ASIC4: variants seen among roughly 807,000 people sequenced by gnomAD.
The protein encoded by ASIC4 is acid sensing ion channel subunit family member 4.
In ASIC4, 28 loss-of-function variants were observed where a neutral mutation model predicts 53.4. That is an observed-to-expected ratio of 0.52 (90% CI 0.39 to 0.72). The LOEUF (loss-of-function observed/expected upper bound fraction) is 0.72, where lower values mean the gene tolerates loss of function less well. ASIC4 is among the 30% of genes least tolerant of loss of function. ASIC4 has a pLI of 0.00. For synonymous variants in ASIC4, 289 were observed against 301.4 expected (o/e 0.96, Z 0.43); for missense variants, 649 against 729.7 (o/e 0.89, Z 1.27).
At position 219,537,230 on chromosome 2, in the gene ASIC4, C is replaced by T. The variant is rs765900874; in HGVS notation, c.1322-12C>T. 1.3e-5 allele frequency: 21 copies of T among 1,612,998 alleles called. No homozygotes were observed. The highest frequency in any genetic ancestry group is 1.8e-5 in the Non-Finnish European group (21 of 1,179,394). ...CGGCCGCTCCCTCTGACACTGCTCT[C>T]CTGCTTCCCAGGAGACCTCGGGGGA... is the stretch of plus-strand genomic sequence containing the variant. On this transcript the variant is annotated splice_polypyrimidine_tract_variant and intron_variant, in intron 7 of 9. Transcript: ENST00000358078. This position sits in a 1 kb window ranked among gnomAD's most constrained non-coding sequence, Gnocchi z 4.9.
chr2:219,521,040 C>G (rs775165751), intron 1 of ASIC4, among the ~76,000 whole-genome samples: 1 of 152,208 alleles, frequency 6.6e-6, no homozygotes, highest in Non-Finnish European at 1.5e-5. Context: ...CCAGGTGCAC[C>G]CACCCTCCCC....
In ASIC4 at chr2:219,535,290, G is replaced by T; in HGVS notation, c.1195G>T (p.Ala399Ser). 6.2e-7 allele frequency: 1 copy of T among 1,613,476 alleles called. No individual in the cohort carries two copies. The highest frequency in any genetic ancestry group is 8.5e-7 in the Non-Finnish European group (1 of 1,179,852). Residue 399 changes from alanine to serine, a missense_variant, in exon 6 of 10, where the codon GCG (alanine) becomes TCG (serine). By Grantham distance (99) the Ala-to-Ser change is moderately conservative (BLOSUM62 1). Coordinates refer to ENST00000358078, the MANE Select transcript of ASIC4 (RefSeq NM_018674.6). The stretch of plus-strand genomic sequence containing the variant: ...CAACAGGGGCTCAGCCCGGTACCTG[G>T]CGAGGAAGTACAACCGCAACGAGAC... ...IPNRGSARYLARKYNRNETYI... is the reference protein window; with the variant it reads ...IPNRGSARYLSRKYNRNETYI...
In ASIC4 at chr2:219,537,706, C is replaced by T; in HGVS notation, c.1476C>T (p.Ser492=). The change falls in exon 9 of 10, where the codon TCC becomes TCT. Residue 492 remains serine, a synonymous_variant. Coordinates refer to ENST00000358078, the MANE Select transcript of ASIC4 (RefSeq NM_018674.6). The surrounding 1 kb of genome is among the most constrained non-coding windows in gnomAD (Gnocchi z 4.9). ...TGCGGACCTCCACTGGGGGCATCTCCACTTTGGGGCTTCAGGAGCTGAAGG... is the reference window on the plus strand; with the variant it reads ...TGCGGACCTCCACTGGGGGCATCTCTACTTTGGGGCTTCAGGAGCTGAAGG... ...TPLRTSTGGI[S]TLGLQELKEQ... 6.2e-7 allele frequency: 1 copy of T among 1,614,022 alleles called. No individual in the cohort carries two copies. The highest frequency in any genetic ancestry group is 8.5e-7 in the Non-Finnish European group (1 of 1,179,932).
rs757443251 is a variant in ASIC4 at position 219,537,614 on chromosome 2, C to G, written c.1402-18C>G. On this transcript the variant is annotated intron_variant, in intron 8 of 9. Coordinates refer to ENST00000358078, the MANE Select transcript of ASIC4 (RefSeq NM_018674.6). The surrounding 1 kb of genome is among the most constrained non-coding windows in gnomAD (Gnocchi z 4.9). The stretch of plus-strand genomic sequence containing the variant: ...AAATTTCCTGAGCCCACTGCTGTCC[C>G]CGACCCTGAACCCCAAGGTGTCCTG... 6.2e-7 allele frequency: 1 copy of G among 1,604,262 alleles called. No homozygotes were observed. Among genetic ancestry groups the G allele is most frequent in the Non-Finnish European group, 8.5e-7 (1 of 1,175,092 alleles).
At chr2:219,523,270 GGGGAAT>G (rs1374811617) in intron 1 of ASIC4, among the ~76,000 whole-genome samples, 1 of 152,236 alleles carries the variant, frequency 6.6e-6, no homozygotes, top group African/African-American at 2.4e-5. Flanking sequence ...GTCGCTGCCT[GGGGAAT>G]GGTTTTGACC....
chr2:219,509,844 A>G (rs1694677791), upstream of ASIC4, among the ~76,000 whole-genome samples: 1 of 152,014 alleles, frequency 6.6e-6, no homozygotes, highest in East Asian at 1.9e-4. The surrounding 1 kb of genome is among the most constrained non-coding windows in gnomAD (Gnocchi z 5.2). Flanking sequence ...CTTGTGCTCC[A>G]CTGGCCACCT....
rs551410957 is a variant in ASIC4, at chr2:219,517,514, G to A, written c.582+2208G>A. 2.0e-5 allele frequency among the ~76,000 whole-genome samples: 3 copies of A among 152,292 alleles called. No individual in the cohort carries two copies. Among genetic ancestry groups the A allele is most frequent in the South Asian group, 4.1e-4 (2 of 4,832 alleles). On this transcript the variant is annotated intron_variant, in intron 1 of 9. Transcript: ENST00000358078. The surrounding 1 kb of genome is among the most constrained non-coding windows in gnomAD (Gnocchi z 4.2). ...CTCTTCTGCACATACTGCATCCCCCGTCTGCTGAGTGTAACTCTGTCTTGG... is the reference window on the plus strand; with the variant it reads ...CTCTTCTGCACATACTGCATCCCCCATCTGCTGAGTGTAACTCTGTCTTGG...
Position 219,536,994 on chromosome 2 carries a change from G to T in ASIC4, c.1230-72G>T. 7.5e-7 allele frequency: 1 copy of T among 1,337,764 alleles called. No homozygotes were observed. The highest frequency in any genetic ancestry group is 2.3e-5 in the East Asian group (1 of 43,364). 82.9% of individuals were successfully genotyped at this position (1,337,764 alleles called of 1,614,324 possible). On this transcript the variant is annotated intron_variant, in intron 6 of 9. Transcript: ENST00000358078. This position sits in a 1 kb window ranked among gnomAD's most constrained non-coding sequence, Gnocchi z 4.6. ...AGTGATCTCTGATCAGGATCTGCTGGATCCAGGATGCCCCTGCCAGCCTTC... is the reference window on the plus strand; with the variant it reads ...AGTGATCTCTGATCAGGATCTGCTGTATCCAGGATGCCCCTGCCAGCCTTC...
At chr2:219,534,809 C>G (rs944335766) in intron 5 of ASIC4, among the ~76,000 whole-genome samples, 10 of 144,488 alleles carry the variant, frequency 6.9e-5, no homozygotes, top group Admixed American at 1.4e-4. Context: ...ATCCATCCAT[C>G]CATGCATGCA....
At chr2:219,511,397 C>CA (rs1234524008), upstream of ASIC4, among the ~76,000 whole-genome samples, 1 of 150,796 alleles carries the variant, frequency 6.6e-6, no homozygotes, top group Non-Finnish European at 1.5e-5. This position sits in a 1 kb window ranked among gnomAD's most constrained non-coding sequence, Gnocchi z 5.3. Flanking sequence ...GCACTGCCCC[C>CA]CCCCCACATT....
chr2:219,534,300 A>T (rs1431288011), intron 5 of ASIC4, among the ~76,000 whole-genome samples: 1 of 152,254 alleles, frequency 6.6e-6, no homozygotes, highest in Non-Finnish European at 1.5e-5. Context: ...TGTTTAGTGA[A>T]GGAACAGATA....
At chr2:219,507,960 G>T in the ASIC4 span, among the ~76,000 whole-genome samples, 1 of 152,090 alleles carries the variant, frequency 6.6e-6, no homozygotes, top group Non-Finnish European at 1.5e-5. Context: ...AGGTTGACTT[G>T]GGGATTGGGC....
At chr2:219,522,477 C>A (rs1381296647) in intron 1 of ASIC4, among the ~76,000 whole-genome samples, 1 of 150,140 alleles carries the variant, frequency 6.7e-6, no homozygotes, top group South Asian at 2.1e-4. Context: ...AGTGGGGGCT[C>A]ACGGGGGAAG....
In ASIC4 at chr2:219,536,429, C is replaced by T. The variant is rs1380053779; in HGVS notation, c.1230-637C>T. On this transcript the variant is annotated intron_variant, in intron 6 of 9. Transcript: ENST00000358078. This position sits in a 1 kb window ranked among gnomAD's most constrained non-coding sequence, Gnocchi z 4.6. ...TCTGTGGGGACAGATGATTATGACA[C>T]AAAACTCATGCCACAATTTGTCAAT... Among the ~76,000 whole-genome samples the T allele has an allele frequency of 6.6e-6, 1 of 152,144 alleles. No homozygotes were observed. Among genetic ancestry groups the T allele is most frequent in the Non-Finnish European group, 1.5e-5 (1 of 68,032 alleles).
At chr2:219,507,888 C>A in the ASIC4 span, among the ~76,000 whole-genome samples, 3 of 152,114 alleles carry the variant, frequency 2.0e-5, no homozygotes, top group African/African-American at 4.8e-5. Context: ...GGACAGAGCC[C>A]AGGGTTTCAT....
At position 219,515,006 on chromosome 2, in the gene ASIC4, C is replaced by A. The variant is rs769639891; in HGVS notation, c.282C>A (p.Thr94=). 1 of 1,613,396 alleles carries A rather than the reference C, an allele frequency of 6.2e-7. No homozygotes were observed. Among genetic ancestry groups the A allele is most frequent in the Admixed American group, 1.7e-5 (1 of 60,006 alleles). The part of the protein sequence containing the change: ...QAAGLARGYL[T]RPHLVAMDPA... ...CTGGCCTGGCCCGGGGCTACCTGAC[C>A]CGGCCTCACCTGGTGGCAATGGACC... The change falls in exon 1 of 10, where the codon ACC becomes ACA. Residue 94 remains threonine, a synonymous_variant. Transcript: ENST00000358078.
chr2:219,508,548 T>A, the ASIC4 span, among the ~76,000 whole-genome samples: 1 of 151,326 alleles, frequency 6.6e-6, no homozygotes, highest in Non-Finnish European at 1.5e-5. Flanking sequence ...GGAGTCACCA[T>A]TGTTGGGGGG....
In ASIC4 at chr2:219,516,077, G is replaced by A. The variant is rs13011105; in HGVS notation, c.582+771G>A. ...CACGGGTGCATGCACACATGCACAC[G>A]CACACACGCACACGCACTGCTGGGG... On this transcript the variant is annotated intron_variant, in intron 1 of 9. Coordinates refer to ENST00000358078, the MANE Select transcript of ASIC4 (RefSeq NM_018674.6). The surrounding 1 kb of genome is among the most constrained non-coding windows in gnomAD (Gnocchi z 4.9). Among the ~76,000 whole-genome samples the A allele has an allele frequency of 6.9e-3, 1,050 of 152,132 alleles. 9 individuals carry two copies. Among genetic ancestry groups the A allele is most frequent in the South Asian group, 0.016 (77 of 4,816 alleles).
rs930010256 is a variant in ASIC4, at chr2:219,529,506, G to T, written c.583-2252G>T. 4.6e-5 allele frequency among the ~76,000 whole-genome samples: 7 copies of T among 152,314 alleles called. 1 individual carries two copies. The highest frequency in any genetic ancestry group is 1.7e-4 in the African/African-American group (7 of 41,568). ...GGGAGAAGAGAAAGGGACGGGACTG[G>T]GGCCCATTCCTGTCTCATCTACCTG... On this transcript the variant is annotated intron_variant, in intron 1 of 9. Coordinates refer to ENST00000358078, the MANE Select transcript of ASIC4 (RefSeq NM_018674.6).
Sources: gnomAD v4.1 joint callset for allele counts (sites outside exome capture counted in the v4.1 genomes callset) on GRCh38, gnomAD v4.1.1 for gene constraint, Gnocchi (gnomAD v3.1) non-coding constraint, MANE v1.5 for transcripts, NCBI Gene and HGNC (gene_info 2026-07-23, HGNC 2026-07-21) for gene names.